KLHL2: variants seen among roughly 807,000 people sequenced by gnomAD.
The protein encoded by KLHL2 is kelch-like protein 2.
In KLHL2, 15 loss-of-function variants were observed where a neutral mutation model predicts 75.8. That is an observed-to-expected ratio of 0.20 (90% CI 0.13 to 0.30). The LOEUF (loss-of-function observed/expected upper bound fraction) is 0.30, where lower values mean the gene tolerates loss of function less well. Among genes scored for constraint, KLHL2 ranks in the 10% least tolerant of loss-of-function variants. The pLI, the probability that KLHL2 is intolerant of heterozygous loss-of-function variation, is 1.00. For synonymous variants in KLHL2, 214 were observed against 251.9 expected, an observed-to-expected ratio of 0.85 and a Z score of 1.42; for missense variants, 381 against 741.0, an observed-to-expected ratio of 0.51 and a Z score of 5.64.
chr4:165,317,740 T>C (rs1746689787), intron 13 of KLHL2, 86 bp from the exon 14 acceptor site: 1 of 991,348 alleles, frequency 1.0e-6, no homozygotes, highest in African/African-American at 1.7e-5. Context: ...TTAGTGTCTC[T>C]GGATTACCTC....
At chr4:165,278,752 A>G in intron 5 of KLHL2, 1 of 1,583,250 alleles carries the variant, frequency 6.3e-7, no homozygotes, top group African/African-American at 1.3e-5. Flanking sequence ...TGAGAAGGCC[A>G]TGATCAGAAA....
intron 5 of KLHL2, among the ~76,000 whole-genome samples, chr4:165,265,772 G>T (rs1415912228): frequency 1.3e-5 from 2 of 152,054 alleles, no homozygotes; most frequent in African/African-American, 2.4e-5. Flanking sequence ...GAATAGTGTC[G>T]CAATAAACAT....
chr4:165,273,615 A>G (rs1742856425), intron 5 of KLHL2, among the ~76,000 whole-genome samples: 1 of 152,118 alleles, frequency 6.6e-6, no homozygotes. Flanking sequence ...TTCCCTGCAC[A>G]AGCTCTCTCT....
intron 3 of KLHL2, among the ~76,000 whole-genome samples, chr4:165,238,033 G>GT (rs904975363): frequency 6.6e-5 from 10 of 151,914 alleles, no homozygotes; most frequent in East Asian, 1.9e-4. Flanking sequence ...GTCTTTTACT[G>GT]TTTTCTTTGC....
chr4:165,259,909 AGGTTT>A (rs1189887987), intron 4 of KLHL2, among the ~76,000 whole-genome samples: 1 of 151,812 alleles, frequency 6.6e-6, no homozygotes, highest in East Asian at 1.9e-4. Flanking sequence ...ACAAATTAGA[AGGTTT>A]GATTTGATTT....
At chr4:165,229,728 A>G (rs1452620292) in intron 3 of KLHL2, among the ~76,000 whole-genome samples, 1 of 152,226 alleles carries the variant, frequency 6.6e-6, no homozygotes, top group African/African-American at 2.4e-5. Flanking sequence ...TTAATAGGTA[A>G]TAGTGTATGG....
At chr4:165,241,109 T>C (rs1349020026) in intron 4 of KLHL2, among the ~76,000 whole-genome samples, 4 of 151,774 alleles carry the variant, frequency 2.6e-5, no homozygotes, top group Non-Finnish European at 5.9e-5. Context: ...TGTATAGTTT[T>C]GTTTTGTTTT....
At chr4:165,302,011 T>C (rs2126527021) in intron 8 of KLHL2, among the ~76,000 whole-genome samples, 1 of 152,306 alleles carries the variant, frequency 6.6e-6, no homozygotes, top group South Asian at 2.1e-4. Context: ...GGTTTTGGAG[T>C]AGGACTCCTA....
intron 2 of KLHL2, among the ~76,000 whole-genome samples, chr4:165,222,461 T>C (rs866593229): frequency 3.9e-5 from 6 of 152,110 alleles, no homozygotes; most frequent in Admixed American, 6.6e-5. Context: ...AGCAGCTGGG[T>C]CTGGTATGTC....
chr4:165,212,120 A>G (rs974295401), intron 1 of KLHL2, among the ~76,000 whole-genome samples: 2 of 152,084 alleles, frequency 1.3e-5, no homozygotes, highest in Non-Finnish European at 2.9e-5. Flanking sequence ...AGGTAGTTTG[A>G]GTTTTTAATT....
chr4:165,311,461 T>C lies in KLHL2; in HGVS notation c.1238-3T>C. 3.1e-6 allele frequency: 5 copies of C among 1,598,136 alleles called. No individual in the cohort carries two copies. Among genetic ancestry groups the C allele is most frequent in the African/African-American group, 1.3e-5 (1 of 74,606 alleles). ...AAATGAAGACTATTGTGCTTTATTA[T>C]AGGTTTGTCATCTGTGGAAGCATAC... On this transcript the variant is annotated splice_polypyrimidine_tract_variant and splice_region_variant and intron_variant, in intron 10 of 14. Transcript: ENST00000226725.
intron 5 of KLHL2, among the ~76,000 whole-genome samples, chr4:165,291,127 C>T (rs931745216): frequency 2.6e-5 from 4 of 152,122 alleles, no homozygotes; most frequent in African/African-American, 9.7e-5. Flanking sequence ...TTGTATATGT[C>T]TTCTTTGGTG....
chr4:165,288,086 C>CA (rs1744219609), intron 5 of KLHL2, among the ~76,000 whole-genome samples: 1 of 152,160 alleles, frequency 6.6e-6, no homozygotes, highest in South Asian at 2.1e-4. Context: ...AATCCAGTGT[C>CA]ACGAAACTTT....
intron 4 of KLHL2, among the ~76,000 whole-genome samples, chr4:165,247,767 G>A (rs569704301): frequency 6.6e-6 from 1 of 152,310 alleles, no homozygotes; most frequent in South Asian, 2.1e-4. Flanking sequence ...GAGGGATGCT[G>A]GAGATTTGAA....
rs77695450 is a variant in KLHL2 at position 165,290,455 on chromosome 4, A to G, written c.545-3904A>G. Among the ~76,000 whole-genome samples the G allele has an allele frequency of 1.6e-3, 245 of 152,238 alleles. 2 individuals are homozygous for G. The highest frequency in any genetic ancestry group is 2.7e-3 in the East Asian group (14 of 5,176). On this transcript the variant is annotated intron_variant, in intron 5 of 14. Coordinates refer to ENST00000226725, the MANE Select transcript of KLHL2 (RefSeq NM_007246.4). ...TGGCCTACTTTGGAACTTTTAATAT[A>G]AAGAACCTTGTTTTTTGTTTGTTTG... is the stretch of plus-strand genomic sequence containing the variant.
Position 165,314,291 on chromosome 4 carries a change from G to C in KLHL2, c.1609+125G>C, listed in dbSNP as rs186633948. 1,205 of 844,982 alleles carry C rather than the reference G, an allele frequency of 1.4e-3. 15 individuals are homozygous for C. In the African/African-American group the frequency reaches 0.018, roughly 13 times the overall value. 52.3% of individuals were successfully genotyped at this position (844,982 alleles called of 1,614,324 possible). Reference sequence around the variant, plus strand: ...TTTTACTGATCTGGGTTCCCTGATAGACTCTGAACTCTTTAAAGCCAGAAA... The same window carrying C: ...TTTTACTGATCTGGGTTCCCTGATACACTCTGAACTCTTTAAAGCCAGAAA... On this transcript the variant is annotated intron_variant, in intron 13 of 14. Coordinates refer to ENST00000226725, the MANE Select transcript of KLHL2 (RefSeq NM_007246.4).
intron 8 of KLHL2, among the ~76,000 whole-genome samples, chr4:165,305,355 G>T (rs867425941): frequency 6.6e-6 from 1 of 152,120 alleles, no homozygotes; most frequent in Non-Finnish European, 1.5e-5. Context: ...GCTTTTGCTT[G>T]AAGGATCAGA....
At chr4:165,278,455 T>G (rs866690950) in intron 5 of KLHL2, 1 of 1,544,452 alleles carries the variant, frequency 6.5e-7, no homozygotes, top group African/African-American at 1.4e-5. Flanking sequence ...AAACAGCTTC[T>G]AATGCAGCAA....
At chr4:165,221,233 GAATCACAAAA>G (rs1306288790) in intron 2 of KLHL2, among the ~76,000 whole-genome samples, 1 of 152,234 alleles carries the variant, frequency 6.6e-6, no homozygotes, top group Non-Finnish European at 1.5e-5. Context: ...ATTCATCAAA[GAATCACAAAA>G]ATAATTTACT....
Sources: allele counts gnomAD v4.1 joint callset (sites outside exome capture counted in the v4.1 genomes callset), GRCh38; gene constraint gnomAD v4.1.1; transcripts MANE v1.5; gene names NCBI Gene and HGNC (gene_info 2026-07-23, HGNC 2026-07-21).